The following ZFPM2 variants were observed in gnomAD, a reference collection of about 807,000 sequenced individuals.
The protein encoded by ZFPM2 is zinc finger protein, FOG family member 2, also known as zinc finger protein ZFPM2.
Under a neutral mutation model 98.6 loss-of-function variants are expected in ZFPM2, and 20 were observed. The observed-to-expected ratio is 0.20, with a 90% CI of 0.14 to 0.29. The LOEUF (loss-of-function observed/expected upper bound fraction) is 0.29. Among genes scored for constraint, ZFPM2 ranks in the 10% least tolerant of loss-of-function variants. ZFPM2 has a pLI of 1.00. For missense variants in ZFPM2, 1,310 were observed against 1,388.6 expected (o/e 0.94, Z 0.90); for synonymous variants, 518 against 502.7 (o/e 1.03, Z -0.41).
At chr8:105,345,146 A>G (rs2957447) in intron 1 of ZFPM2, among the ~76,000 whole-genome samples, 68,259 of 152,026 alleles carry the variant, frequency 0.45, 17,275 homozygotes, top group Middle Eastern at 0.6. Flanking sequence ...CTGCCTTGAC[A>G]TCATAAGTAA....
Position 105,494,183 on chromosome 8 carries a change from G to GTATATATATATA in ZFPM2, c.301+49835_301+49846dup, listed in dbSNP as rs61035457. ...GCTCACATTTAAGCTGCCACCAAAA[G>GTATATATATATA]TATATATATATATATATATATATAT... On this transcript the variant is annotated intron_variant, in intron 3 of 7. Transcript: ENST00000407775. Among the ~76,000 whole-genome samples, 244 of 59,986 alleles carry GTATATATATATA rather than the reference G, an allele frequency of 4.1e-3. 11 individuals are homozygous for GTATATATATATA. The highest frequency in any genetic ancestry group is 5.0e-3 in the East Asian group (6 of 1,212). The allele number at this position is 59,986 out of a possible 152,430, so 39.4% of individuals were successfully genotyped here. A position where few individuals can be genotyped will look rare whatever the true frequency, so the allele number is the denominator to read the frequency against.
At chr8:105,391,592 A>G (rs1811110770) in intron 1 of ZFPM2, among the ~76,000 whole-genome samples, 1 of 152,212 alleles carries the variant, frequency 6.6e-6, no homozygotes. Context: ...ATGTCTATAA[A>G]ATATTCTAAA....
intron 5 of ZFPM2, among the ~76,000 whole-genome samples, chr8:105,644,814 C>T (rs937813762): frequency 6.6e-6 from 1 of 152,096 alleles, no homozygotes; most frequent in African/African-American, 2.4e-5. Context: ...TCTTGCTTTT[C>T]TTCTTATGTG....
intron 5 of ZFPM2, chr8:105,785,055 G>T (rs1813371561): frequency 7.8e-6 from 1 of 128,190 alleles, no homozygotes; most frequent in African/African-American, 5.0e-5. Flanking sequence ...CCTAAATGTT[G>T]AGATACCCCA....
At chr8:105,566,005 A>C (rs551672647) in intron 4 of ZFPM2, among the ~76,000 whole-genome samples, 131 of 152,258 alleles carry the variant, frequency 8.6e-4, no homozygotes, top group Admixed American at 3.2e-3. Flanking sequence ...AGTGGTGCAG[A>C]TGAAGTTCGA....
At chr8:105,594,023 T>C (rs1815911412) in intron 4 of ZFPM2, among the ~76,000 whole-genome samples, 1 of 152,162 alleles carries the variant, frequency 6.6e-6, no homozygotes, top group South Asian at 2.1e-4. Context: ...AAAACCGCTC[T>C]CATATTTCAC....
intron 5 of ZFPM2, among the ~76,000 whole-genome samples, chr8:105,743,468 AAG>A (rs1455563069): frequency 6.6e-6 from 1 of 152,036 alleles, no homozygotes; most frequent in African/African-American, 2.4e-5. Flanking sequence ...CATGTCGGGA[AAG>A]AATAGTGTGG....
intron 6 of ZFPM2, chr8:105,796,669 C>A (rs1272372415): frequency 6.6e-6 from 1 of 152,156 alleles, no homozygotes; most frequent in Non-Finnish European, 1.5e-5. Context: ...GCTCCACCAA[C>A]AACCATAAAT....
At chr8:105,695,464 G>T (rs1160363258) in intron 5 of ZFPM2, among the ~76,000 whole-genome samples, 1 of 145,028 alleles carries the variant, frequency 6.9e-6, no homozygotes, top group African/African-American at 2.6e-5. Context: ...AACTGATGGA[G>T]ATCAACTCAT....
At chr8:105,564,229 T>C (rs147216261) in intron 4 of ZFPM2, among the ~76,000 whole-genome samples, 168 of 152,100 alleles carry the variant, frequency 1.1e-3, no homozygotes, top group African/African-American at 3.8e-3. Context: ...AAAACATGAC[T>C]ACTCTTAAGT....
chr8:105,337,075 G>A (rs1184876358), intron 1 of ZFPM2, among the ~76,000 whole-genome samples: 2 of 151,736 alleles, frequency 1.3e-5, no homozygotes, highest in East Asian at 3.9e-4. Flanking sequence ...TGGATGACCT[G>A]AACACATAGT....
intron 3 of ZFPM2, among the ~76,000 whole-genome samples, chr8:105,524,242 T>G (rs1193422486): frequency 2.6e-5 from 4 of 152,190 alleles, no homozygotes; most frequent in Non-Finnish European, 5.9e-5. Flanking sequence ...CAGGTTAAGG[T>G]TGTCATAATT....
chr8:105,620,961 A>G (rs866299032), intron 4 of ZFPM2, among the ~76,000 whole-genome samples: 5 of 152,148 alleles, frequency 3.3e-5, no homozygotes, highest in African/African-American at 1.2e-4. Context: ...GAAGTCAGGT[A>G]GCGTGATGCC....
intron 2 of ZFPM2, among the ~76,000 whole-genome samples, chr8:105,443,910 C>A (rs1812316197): frequency 6.6e-6 from 1 of 152,024 alleles, no homozygotes; most frequent in South Asian, 2.1e-4. Flanking sequence ...TGCATCTTGT[C>A]TTTAGAAAAG....
At chr8:105,692,581 T>C (rs1220042090) in intron 5 of ZFPM2, among the ~76,000 whole-genome samples, 1 of 152,206 alleles carries the variant, frequency 6.6e-6, no homozygotes, top group African/African-American at 2.4e-5. Flanking sequence ...AGAACATCTA[T>C]TGGAATATGG....
At chr8:105,660,920 A>G (rs1817375726) in intron 5 of ZFPM2, among the ~76,000 whole-genome samples, 1 of 152,176 alleles carries the variant, frequency 6.6e-6, no homozygotes, top group Non-Finnish European at 1.5e-5. Context: ...AAAAAACAGA[A>G]AACAGTGCCT....
intron 1 of ZFPM2, among the ~76,000 whole-genome samples, chr8:105,354,568 T>C (rs1812705550): frequency 6.6e-6 from 1 of 152,190 alleles, no homozygotes; most frequent in African/African-American, 2.4e-5. Flanking sequence ...GGTATGATCA[T>C]TGAACATCTG....
chr8:105,592,794 A>G (rs1202129131), intron 4 of ZFPM2, among the ~76,000 whole-genome samples: 1 of 152,112 alleles, frequency 6.6e-6, no homozygotes, highest in Admixed American at 6.6e-5. Flanking sequence ...TGTCTTCAGA[A>G]TTATCTCCCG....
intron 5 of ZFPM2, among the ~76,000 whole-genome samples, chr8:105,745,277 T>C (rs1200884800): frequency 1.3e-5 from 2 of 152,140 alleles, no homozygotes; most frequent in Non-Finnish European, 2.9e-5. Context: ...GTTTGTTGAA[T>C]TGAATTGTCT....
Sources: allele counts gnomAD v4.1 joint callset (sites outside exome capture counted in the v4.1 genomes callset), GRCh38; gene constraint gnomAD v4.1.1; transcripts MANE v1.5; gene names NCBI Gene and HGNC (gene_info 2026-07-23, HGNC 2026-07-21).